HDAC4: variants seen among roughly 807,000 people sequenced by gnomAD.
The protein encoded by HDAC4 is histone deacetylase A.
Under a neutral mutation model 135.1 loss-of-function variants are expected in HDAC4, and 16 were observed. The observed-to-expected ratio is 0.12, with a 90% confidence interval of 0.08 to 0.18. HDAC4 has a LOEUF of 0.18. Ranked by LOEUF, HDAC4 falls within the 10% of genes least tolerant of loss-of-function variation. The pLI, the probability that HDAC4 is intolerant of heterozygous loss-of-function variation, is 1.00. For missense variants in HDAC4, 1,143 were observed against 1,511.8 expected (o/e 0.76, Z 4.05); for synonymous variants, 685 against 653.4 (o/e 1.05, Z -0.74).
Position 239,306,162 on chromosome 2 carries a change from G to A in HDAC4, c.22+46516C>T, listed in dbSNP as rs528328791. ...GAAACCGAGGATTCTGGGTTTGGAG[G>A]CACCCCAGCTCTTCCCTGGGAAGTC... On this transcript the variant is annotated intron_variant, in intron 2 of 26. Coordinates refer to ENST00000543185, the MANE Select transcript of HDAC4 (RefSeq NM_001378414.1). This position sits in a 1 kb window ranked among gnomAD's most constrained non-coding sequence, Gnocchi z 4.5. Among the ~76,000 whole-genome samples the A allele has an allele frequency of 7.0e-4, 107 of 152,292 alleles. No individual in the cohort carries two copies. The highest frequency in any genetic ancestry group is 3.4e-3 in the Middle Eastern group (1 of 294).
At chr2:239,133,450 G>C (rs570807962) in intron 11 of HDAC4, among the ~76,000 whole-genome samples, 25 of 152,224 alleles carry the variant, frequency 1.6e-4, no homozygotes, top group African/African-American at 6.0e-4. Flanking sequence ...GCACGGCAAG[G>C]GGGTAGGTAG....
chr2:239,353,354 G>A (rs1693286750), intron 1 of HDAC4, among the ~76,000 whole-genome samples: 1 of 152,196 alleles, frequency 6.6e-6, no homozygotes, highest in Non-Finnish European at 1.5e-5. Context: ...AGGACTGATA[G>A]AACAGTTCGA....
At chr2:239,226,307 C>T (rs576299307) in intron 3 of HDAC4, among the ~76,000 whole-genome samples, 86 of 152,328 alleles carry the variant, frequency 5.6e-4, no homozygotes, top group African/African-American at 1.9e-3. Flanking sequence ...ATCCTTTCTT[C>T]CAACCAATCA....
At chr2:239,228,868 AC>A (rs1402107382) in intron 3 of HDAC4, among the ~76,000 whole-genome samples, 2 of 152,184 alleles carry the variant, frequency 1.3e-5, no homozygotes, top group Non-Finnish European at 2.9e-5. Context: ...AGGGCTGGGC[AC>A]AGTCGTTCAC....
At chr2:239,099,787 C>T (rs983840405) in intron 16 of HDAC4, among the ~76,000 whole-genome samples, 4 of 152,344 alleles carry the variant, frequency 2.6e-5, no homozygotes, top group Admixed American at 6.5e-5. Context: ...CCCTGCAGGG[C>T]GATCTCAGAC....
At chr2:239,065,002 G>A (rs975412316) in intron 24 of HDAC4, among the ~76,000 whole-genome samples, 1 of 152,220 alleles carries the variant, frequency 6.6e-6, no homozygotes. Context: ...ACAGGGGTCC[G>A]TGGCCTCCTG....
Position 239,190,093 on chromosome 2 carries a change from G to A in HDAC4, c.95-16C>T. 1 of 1,594,832 alleles carries A rather than the reference G, an allele frequency of 6.3e-7. No homozygotes were observed. On this transcript the variant is annotated splice_polypyrimidine_tract_variant and intron_variant, in intron 3 of 26. Coordinates refer to ENST00000543185, the MANE Select transcript of HDAC4 (RefSeq NM_001378414.1). ...GCCACATCCACTGTGGGAAAAACAAGCAGGAGAGCCGGTCACTGCCGCCCT... is the reference window on the plus strand; with the variant it reads ...GCCACATCCACTGTGGGAAAAACAAACAGGAGAGCCGGTCACTGCCGCCCT...
At position 239,285,919 on chromosome 2, in the gene HDAC4, T is replaced by G. The variant is rs2125440547; in HGVS notation, c.23-49255A>C. On this transcript the variant is annotated intron_variant, in intron 2 of 26. Transcript: ENST00000543185. This position sits in a 1 kb window ranked among gnomAD's most constrained non-coding sequence, Gnocchi z 4.5. ...CATGCCTATCAGAAGAACGGCCTCC[T>G]CACTCCCATCCCTCTATTTCCAAAC... is the stretch of plus-strand genomic sequence containing the variant. Among the ~76,000 whole-genome samples the G allele has an allele frequency of 6.6e-6, 1 of 152,018 alleles. No homozygotes were observed. The highest frequency in any genetic ancestry group is 1.9e-4 in the East Asian group (1 of 5,174).
chr2:239,281,832 C>G (rs1321418360), intron 2 of HDAC4, among the ~76,000 whole-genome samples: 19 of 148,732 alleles, frequency 1.3e-4, no homozygotes, highest in Non-Finnish European at 2.7e-4. Context: ...AATGTACACA[C>G]CACTCTACAA....
Position 239,376,519 on chromosome 2 carries a change from G to A in HDAC4, c.-219-23601C>T, listed in dbSNP as rs1439372135. 9.2e-5 allele frequency among the ~76,000 whole-genome samples: 14 copies of A among 152,234 alleles called. 1 individual carries two copies. The highest frequency in any genetic ancestry group is 1.9e-4 in the East Asian group (1 of 5,206). On this transcript the variant is annotated intron_variant, in intron 1 of 26. Transcript: ENST00000543185. Reference sequence around the variant, plus strand: ...TCAGAGGTGGGACACAGACTCTGTCGACCGCCCTGGCCCGAAGGCACGTGT... The same window carrying A: ...TCAGAGGTGGGACACAGACTCTGTCAACCGCCCTGGCCCGAAGGCACGTGT...
At chr2:239,120,863 C>T (rs1020057585) in intron 12 of HDAC4, among the ~76,000 whole-genome samples, 7 of 151,832 alleles carry the variant, frequency 4.6e-5, no homozygotes, top group Non-Finnish European at 1.0e-4. Context: ...GTTCCTGCAG[C>T]AAATGGCCAC....
chr2:239,275,903 T>C (rs1051239158), intron 2 of HDAC4, among the ~76,000 whole-genome samples: 1 of 152,108 alleles, frequency 6.6e-6, no homozygotes, highest in African/African-American at 2.4e-5. Flanking sequence ...AGCTCCTCTG[T>C]CGCCTGCCTC....
intron 3 of HDAC4, 77 bp from the exon 4 acceptor site, chr2:239,190,154 C>T (rs1005499415): frequency 8.5e-5 from 128 of 1,512,220 alleles, no homozygotes; most frequent in Non-Finnish European, 8.6e-5. Context: ...CCACCCAACA[C>T]ACTGGCCACC....
At chr2:239,058,412 C>A (rs1042899777) in intron 24 of HDAC4, among the ~76,000 whole-genome samples, 4 of 152,106 alleles carry the variant, frequency 2.6e-5, no homozygotes, top group African/African-American at 9.7e-5. Flanking sequence ...AGCAAATGAC[C>A]CACGTTTCCA....
chr2:239,348,612 C>T (rs4852051), intron 2 of HDAC4, among the ~76,000 whole-genome samples: 28,739 of 152,248 alleles, frequency 0.19, 4,313 homozygotes, highest in East Asian at 0.43. Flanking sequence ...TCCACACTCC[C>T]GGTTTCATGC....
At chr2:239,341,488 G>A (rs1190312609) in intron 2 of HDAC4, among the ~76,000 whole-genome samples, 2 of 152,178 alleles carry the variant, frequency 1.3e-5, no homozygotes, top group African/African-American at 2.4e-5. Context: ...AGGGAGGGAG[G>A]AACTTCCCCT....
At chr2:239,251,698 C>T (rs1429106062) in intron 2 of HDAC4, among the ~76,000 whole-genome samples, 1 of 152,136 alleles carries the variant, frequency 6.6e-6, no homozygotes, top group African/African-American at 2.4e-5. Context: ...TATTCTAGAA[C>T]ACGCTCTCCC....
intron 2 of HDAC4, among the ~76,000 whole-genome samples, chr2:239,304,376 G>C (rs2052453177): frequency 6.6e-6 from 1 of 152,216 alleles, no homozygotes; most frequent in Non-Finnish European, 1.5e-5. Flanking sequence ...TAGAAAGCAT[G>C]AAATGATACC....
chr2:239,094,156 TG>T (rs2036774782), intron 17 of HDAC4: 1 of 985,344 alleles, frequency 1.0e-6, no homozygotes, highest in African/African-American at 1.7e-5. Flanking sequence ...TAACCGTCTG[TG>T]GTGATTCGCG....
Sources: allele counts gnomAD v4.1 joint callset (sites outside exome capture counted in the v4.1 genomes callset), GRCh38; gene constraint gnomAD v4.1.1; non-coding constraint Gnocchi (gnomAD v3.1); transcripts MANE v1.5; gene names NCBI Gene and HGNC (gene_info 2026-07-23, HGNC 2026-07-21).